SEMA3E: variants seen among roughly 807,000 people sequenced by gnomAD.
SEMA3E encodes semaphorin 3E, also known as semaphorin-3E.
A neutral mutation model predicts 93.6 loss-of-function variants in SEMA3E; 49 were observed. The observed-to-expected ratio is 0.52, with a 90% CI of 0.42 to 0.66. The LOEUF (loss-of-function observed/expected upper bound fraction) is 0.66, where lower values mean the gene tolerates loss of function less well. Among genes scored for constraint, SEMA3E ranks in the 30% least tolerant of loss-of-function variants. The pLI is 0.00. For missense variants in SEMA3E, 906 were observed against 964.8 expected (o/e 0.94, Z 0.81); for synonymous variants, 363 against 330.7 (o/e 1.10, Z -1.06).
intron 3 of SEMA3E, 140 bp downstream of exon 3, chr7:83,469,103 T>C (rs1789836509): frequency 1.6e-6 from 1 of 620,092 alleles, no homozygotes; most frequent in Non-Finnish European, 2.9e-6. Flanking sequence ...ATGTTTTATA[T>C]GCCTATATAT....
chr7:83,570,281 C>T (rs1224432399), intron 1 of SEMA3E, among the ~76,000 whole-genome samples: 3 of 151,976 alleles, frequency 2.0e-5, no homozygotes, highest in South Asian at 2.1e-4. Flanking sequence ...AGGCCGGGCG[C>T]GGTGGCTCAC....
At chr7:83,637,299 A>G (rs960295984) in intron 1 of SEMA3E, among the ~76,000 whole-genome samples, 3 of 152,146 alleles carry the variant, frequency 2.0e-5, no homozygotes, top group African/African-American at 7.2e-5. Flanking sequence ...ACAGTATACC[A>G]CATTATGTTT....
At chr7:83,405,372 T>C (rs531012708) in intron 9 of SEMA3E, 78 bp downstream of exon 9, 36 of 1,032,054 alleles carry the variant, frequency 3.5e-5, no homozygotes, top group Middle Eastern at 4.0e-4. Flanking sequence ...TCTTTCAACT[T>C]ATATACACCA....
At chr7:83,621,770 G>A (rs562071150) in intron 1 of SEMA3E, among the ~76,000 whole-genome samples, 1 of 152,142 alleles carries the variant, frequency 6.6e-6, no homozygotes, top group East Asian at 1.9e-4. Flanking sequence ...AAATGGTGCT[G>A]GGAGAATTGG....
At chr7:83,575,485 T>C (rs1437421414) in intron 1 of SEMA3E, among the ~76,000 whole-genome samples, 1 of 152,122 alleles carries the variant, frequency 6.6e-6, no homozygotes, top group Non-Finnish European at 1.5e-5. Context: ...ATTCAACAGG[T>C]ATTTATTAAA....
chr7:83,406,038 T>C lies in SEMA3E; in HGVS notation c.835A>G (p.Ile279Val). The C allele has an allele frequency of 6.2e-7, 1 of 1,612,952 alleles. No homozygotes were observed. Among genetic ancestry groups the C allele is most frequent in the South Asian group, 1.1e-5 (1 of 91,066 alleles). The change falls in exon 8 of 17, where the codon ATA (isoleucine) becomes GTA (valine). Residue 279 changes from isoleucine to valine, a missense_variant. Transcript: ENST00000643230. ...AAAGTGCTCCACTTATTCACCAGTA[T>C]TCTCTGCCCTCCTACATCATTCTGT... ...LCVNDVGGQR[I>V]LVNKWSTFLK...
chr7:83,469,397 C>CT, intron 2 of SEMA3E, 95 bp from the exon 3 acceptor site: 1 of 576,250 alleles, frequency 1.7e-6, no homozygotes, highest in South Asian at 2.3e-5. Flanking sequence ...CAAAACATTT[C>CT]CTTTTTTTTT....
chr7:83,532,786 T>A (rs546047680), intron 1 of SEMA3E, among the ~76,000 whole-genome samples: 229 of 151,348 alleles, frequency 1.5e-3, no homozygotes, highest in African/African-American at 2.9e-3. Context: ...GTTTTTTTTT[T>A]AAAAAAAGAA....
Position 83,490,162 on chromosome 7 carries a change from G to C in SEMA3E, c.228C>G (p.Asp76Glu), listed in dbSNP as rs758618408. The change falls in exon 2 of 17, where the codon GAC becomes GAG. Residue 76 changes from aspartate (D) to glutamate (E), a missense_variant. By Grantham distance (45) the Asp-to-Glu change is conservative (BLOSUM62 2). Coordinates refer to ENST00000643230, the MANE Select transcript of SEMA3E (RefSeq NM_012431.3). ...TCTCCAAGCTGAGGGAATATACAAGGTCCCTGCCTCCCACGAAGAGCCTCT... is the reference window on the plus strand; with the variant it reads ...TCTCCAAGCTGAGGGAATATACAAGCTCCCTGCCTCCCACGAAGAGCCTCT... Reference protein sequence around the residue: ...YQERLFVGGRDLVYSLSLERI... With the variant: ...YQERLFVGGRELVYSLSLERI... 6.2e-7 allele frequency: 1 copy of C among 1,612,880 alleles called. No individual in the cohort carries two copies. The highest frequency in any genetic ancestry group is 8.5e-7 in the Non-Finnish European group (1 of 1,179,404).
intron 16 of SEMA3E, chr7:83,372,558 A>C (rs1037800719): frequency 1.3e-5 from 4 of 298,968 alleles, no homozygotes; most frequent in African/African-American, 2.1e-5. Flanking sequence ...GGGTTTAAAA[A>C]AAATCAGAAA....
chr7:83,384,168 T>C (rs956063373), intron 16 of SEMA3E, among the ~76,000 whole-genome samples: 2 of 152,074 alleles, frequency 1.3e-5, no homozygotes, highest in African/African-American at 2.4e-5. Flanking sequence ...CAGAATGTAC[T>C]GTATGATTTT....
intron 1 of SEMA3E, among the ~76,000 whole-genome samples, chr7:83,506,287 T>TA (rs1790704498): frequency 6.6e-6 from 1 of 151,884 alleles, no homozygotes; most frequent in Non-Finnish European, 1.5e-5. Context: ...TATTCAGACT[T>TA]AAAAAATAAT....
At chr7:83,632,742 G>A (rs1793811542) in intron 1 of SEMA3E, among the ~76,000 whole-genome samples, 1 of 152,110 alleles carries the variant, frequency 6.6e-6, no homozygotes, top group Non-Finnish European at 1.5e-5. Context: ...TGTCCTTCCT[G>A]CTGGCATTAA....
At chr7:83,628,231 T>A (rs1318799295) in intron 1 of SEMA3E, among the ~76,000 whole-genome samples, 1 of 152,174 alleles carries the variant, frequency 6.6e-6, no homozygotes, top group Non-Finnish European at 1.5e-5. Context: ...GACCTTTCTC[T>A]CTGGCTGCCC....
intron 16 of SEMA3E, among the ~76,000 whole-genome samples, chr7:83,377,268 T>C (rs1787664903): frequency 1.3e-5 from 2 of 152,100 alleles, no homozygotes; most frequent in Middle Eastern, 3.4e-3. Context: ...AAAGACTTTT[T>C]CCCCCCAAAA....
chr7:83,524,993 T>C (rs1470338449), intron 1 of SEMA3E, among the ~76,000 whole-genome samples: 1 of 151,986 alleles, frequency 6.6e-6, no homozygotes, highest in Non-Finnish European at 1.5e-5. Flanking sequence ...TGGCTACTCT[T>C]TCTTGGCTAA....
intron 9 of SEMA3E, among the ~76,000 whole-genome samples, chr7:83,404,659 A>C (rs1293749703): frequency 6.6e-6 from 1 of 152,028 alleles, no homozygotes; most frequent in Non-Finnish European, 1.5e-5. Context: ...AAAAATACAG[A>C]AACATAAAGG....
chr7:83,516,060 C>CA (rs2115667193), intron 1 of SEMA3E, among the ~76,000 whole-genome samples: 1 of 151,884 alleles, frequency 6.6e-6, no homozygotes, highest in Non-Finnish European at 1.5e-5. Context: ...TAACAATACA[C>CA]AAAAACCCAA....
chr7:83,545,552 G>GAAAAAAAAAAAAA (rs3068645), intron 1 of SEMA3E, among the ~76,000 whole-genome samples: 10 of 86,450 alleles, frequency 1.2e-4, no homozygotes, highest in Non-Finnish European at 1.8e-4. Context: ...GAAGAGAAAT[G>GAAAAAAAAAAAAA]AAAAAAAAAA....
Sources: allele counts gnomAD v4.1 joint callset (sites outside exome capture counted in the v4.1 genomes callset), GRCh38; gene constraint gnomAD v4.1.1; transcripts MANE v1.5; gene names NCBI Gene and HGNC (gene_info 2026-07-23, HGNC 2026-07-21).